RAD54L2: variants seen among roughly 807,000 people sequenced by gnomAD.
RAD54L2 encodes RAD54 like 2, also known as helicase ARIP4.
Under a neutral mutation model 138.4 loss-of-function variants are expected in RAD54L2, and 27 were observed. The observed-to-expected ratio is 0.20, with a 90% CI of 0.14 to 0.27. The LOEUF (loss-of-function observed/expected upper bound fraction) is 0.27. Among genes scored for constraint, RAD54L2 ranks in the 10% least tolerant of loss-of-function variants. The pLI is 1.00. For missense variants in RAD54L2, 1,396 were observed against 1,890.2 expected (o/e 0.74, Z 4.85); for synonymous variants, 644 against 723.2 (o/e 0.89, Z 1.76).
Position 51,548,292 on chromosome 3 carries a change from G to A in RAD54L2, c.-55+6642G>A, listed in dbSNP as rs544385532. ...CAACCTCTGCCTCCCAGGTTCAGGCGATTCTCTTGCCTCAGCCTCCTGAGT... is the reference window on the plus strand; with the variant it reads ...CAACCTCTGCCTCCCAGGTTCAGGCAATTCTCTTGCCTCAGCCTCCTGAGT... On this transcript the variant is annotated intron_variant, in intron 2 of 22. Transcript: ENST00000684192. Among the ~76,000 whole-genome samples the A allele has an allele frequency of 1.3e-4, 19 of 151,998 alleles. No homozygotes were observed. In the East Asian group the frequency reaches 2.1e-3, roughly 17 times the overall value.
intron 3 of RAD54L2, among the ~76,000 whole-genome samples, chr3:51,617,066 C>A (rs1361679910): frequency 1.3e-5 from 2 of 152,016 alleles, no homozygotes; most frequent in Admixed American, 1.3e-4. Flanking sequence ...ATAGTTTGTT[C>A]CTTTTTATTG....
chr3:51,645,310 G>A lies in RAD54L2; in HGVS notation c.2656+81G>A, dbSNP rs1481510159. 7.2e-7 allele frequency: 1 copy of A among 1,381,494 alleles called. No homozygotes were observed. 85.6% of individuals were successfully genotyped at this position (1,381,494 alleles called of 1,614,324 possible). On this transcript the variant is annotated intron_variant, in intron 17 of 22. Coordinates refer to ENST00000684192, the MANE Select transcript of RAD54L2 (RefSeq NM_015106.4). This position sits in a 1 kb window ranked among gnomAD's most constrained non-coding sequence, Gnocchi z 6.1. The stretch of plus-strand genomic sequence containing the variant: ...AGTATCAAGGGTGGGAGAGGAGCAG[G>A]ATATGGGAACACAGGCAGGCTTCGA...
chr3:51,613,638 G>A (rs975461672), intron 3 of RAD54L2, among the ~76,000 whole-genome samples: 5 of 152,146 alleles, frequency 3.3e-5, no homozygotes, highest in Middle Eastern at 3.4e-3. Context: ...ATGGTGGCGT[G>A]CACCTGTAAT....
rs572562823 is a variant in RAD54L2, at chr3:51,657,520, T to C, written c.3227-60T>C. Reference sequence around the variant, plus strand: ...GGGGTAGATGTGGGACTTTGCAATTTTCCCCCCTCCTTCAGTCAGGCCCCG... The same window carrying C: ...GGGGTAGATGTGGGACTTTGCAATTCTCCCCCCTCCTTCAGTCAGGCCCCG... On this transcript the variant is annotated intron_variant, in intron 20 of 22. Transcript: ENST00000684192. 1.2e-4 allele frequency: 143 copies of C among 1,187,898 alleles called. 1 individual carries two copies. The highest frequency in any genetic ancestry group is 1.2e-3 in the Admixed American group (58 of 49,954). 73.6% of individuals were successfully genotyped at this position (1,187,898 alleles called of 1,614,324 possible).
At chr3:51,545,064 A>G (rs1420215218) in intron 2 of RAD54L2, among the ~76,000 whole-genome samples, 1 of 152,192 alleles carries the variant, frequency 6.6e-6, no homozygotes, top group Non-Finnish European at 1.5e-5. Context: ...AATTATCTGT[A>G]TCCGTTTTCT....
chr3:51,607,155 AG>A (rs1700204728), intron 3 of RAD54L2, among the ~76,000 whole-genome samples: 2 of 137,802 alleles, frequency 1.5e-5, no homozygotes, highest in Non-Finnish European at 3.1e-5. Flanking sequence ...TTTCTCGGAG[AG>A]GGGGATTTGG....
At chr3:51,542,456 T>A (rs1698576914) in intron 2 of RAD54L2, among the ~76,000 whole-genome samples, 1 of 151,862 alleles carries the variant, frequency 6.6e-6, no homozygotes, top group Non-Finnish European at 1.5e-5. Context: ...TGTCTTTTTT[T>A]TTTTTTTGAG....
intron 19 of RAD54L2, among the ~76,000 whole-genome samples, chr3:51,653,882 G>A (rs563619126): frequency 6.6e-6 from 1 of 152,216 alleles, no homozygotes; most frequent in South Asian, 2.1e-4. Flanking sequence ...GTATACATAC[G>A]TAACAACCCT....
At chr3:51,590,113 C>A (rs1699808272) in intron 2 of RAD54L2, among the ~76,000 whole-genome samples, 1 of 152,146 alleles carries the variant, frequency 6.6e-6, no homozygotes, top group Admixed American at 6.6e-5. Flanking sequence ...GCCTCAGCCA[C>A]CTGAGTAGCT....
At position 51,666,265 on chromosome 3, in the gene RAD54L2, G is replaced by A. The variant is rs1701910647; in HGVS notation, c.*2845G>A. On this transcript the variant is annotated 3_prime_UTR_variant, in exon 23 of 23. Transcript: ENST00000684192. Reference sequence around the variant, plus strand: ...TTTCCACTGTCTCTTTATATGTGCTGATAGGCAAATGTGCATGCACACCAA... The same window carrying A: ...TTTCCACTGTCTCTTTATATGTGCTAATAGGCAAATGTGCATGCACACCAA... 1 of 135,472 alleles carries A rather than the reference G, an allele frequency of 7.4e-6. No individual in the cohort carries two copies. Among genetic ancestry groups the A allele is most frequent in the Non-Finnish European group, 1.5e-5 (1 of 65,566 alleles). The allele number at this position is 135,472 out of a possible 1,614,324, so 8.4% of individuals were successfully genotyped here.
intron 19 of RAD54L2, among the ~76,000 whole-genome samples, chr3:51,648,689 C>T (rs1701350352): frequency 6.6e-6 from 1 of 152,196 alleles, no homozygotes; most frequent in Admixed American, 6.5e-5. Context: ...CTCCAGCAAA[C>T]TCCAACAGAC....
At chr3:51,610,929 G>T (rs1480183762) in intron 3 of RAD54L2, among the ~76,000 whole-genome samples, 1 of 152,168 alleles carries the variant, frequency 6.6e-6, no homozygotes, top group Non-Finnish European at 1.5e-5. Context: ...AATGGCAGGT[G>T]GAGGAATCAC....
At chr3:51,610,407 C>G (rs1460440540) in intron 3 of RAD54L2, among the ~76,000 whole-genome samples, 2 of 151,976 alleles carry the variant, frequency 1.3e-5, no homozygotes, top group Non-Finnish European at 1.5e-5. Context: ...AGTTTGAGAC[C>G]AGCCTGGCCA....
intron 3 of RAD54L2, among the ~76,000 whole-genome samples, chr3:51,617,399 G>A (rs1700468685): frequency 6.6e-6 from 1 of 152,090 alleles, no homozygotes; most frequent in African/African-American, 2.4e-5. Flanking sequence ...ATTAGTTTTA[G>A]TTATTCTAGT....
rs145818648 is a variant in RAD54L2, at chr3:51,567,115, A to G, written c.-54-23252A>G. Among the ~76,000 whole-genome samples, 610 of 152,254 alleles carry G rather than the reference A, an allele frequency of 4.0e-3. 4 individuals are homozygous for G. Among genetic ancestry groups the G allele is most frequent in the African/African-American group, 0.014 (588 of 41,542 alleles). On this transcript the variant is annotated intron_variant, in intron 2 of 22. Coordinates refer to ENST00000684192, the MANE Select transcript of RAD54L2 (RefSeq NM_015106.4). ...CTCTTATCTTTTTATTTGTTCCCCA[A>G]GATTGGCAACCTCTTCTGCCAGAAC...
At position 51,638,159 on chromosome 3, in the gene RAD54L2, G is replaced by A. The variant is rs1701034371; in HGVS notation, c.1698G>A (p.Val566=). ...GCCTCCATAGGAGAGGCCACACTGT[G>A]CTGAAGATTCATCTCCCTGCCAAGG... ...EGFVQRRGHT[V]LKIHLPAKEE... is the part of the protein sequence containing the mutation. Residue 566 remains valine (V), a synonymous_variant, in exon 12 of 23, where the codon GTG becomes GTA. Coordinates refer to ENST00000684192, the MANE Select transcript of RAD54L2 (RefSeq NM_015106.4). The surrounding 1 kb of genome is among the most constrained non-coding windows in gnomAD (Gnocchi z 4.3). 6.2e-7 allele frequency: 1 copy of A among 1,613,854 alleles called. No individual in the cohort carries two copies. The highest frequency in any genetic ancestry group is 1.7e-5 in the Admixed American group (1 of 60,008).
intron 3 of RAD54L2, among the ~76,000 whole-genome samples, chr3:51,613,329 C>G (rs1036088653): frequency 6.6e-6 from 1 of 152,180 alleles, no homozygotes; most frequent in Non-Finnish European, 1.5e-5. Flanking sequence ...TTACCTCTAG[C>G]TGAGACGTTC....
intron 3 of RAD54L2, among the ~76,000 whole-genome samples, chr3:51,590,956 G>A (rs1699826402): frequency 6.6e-6 from 1 of 152,162 alleles, no homozygotes; most frequent in Non-Finnish European, 1.5e-5. Context: ...TAAGTTTTCT[G>A]AAATTATACA....
chr3:51,587,442 C>T (rs1219749098), intron 2 of RAD54L2, among the ~76,000 whole-genome samples: 5 of 152,176 alleles, frequency 3.3e-5, no homozygotes, highest in African/African-American at 1.2e-4. Context: ...TGCCAGGTCA[C>T]TAAGTGAATG....
Sources: gnomAD v4.1 joint callset for allele counts (sites outside exome capture counted in the v4.1 genomes callset) on GRCh38, gnomAD v4.1.1 for gene constraint, Gnocchi (gnomAD v3.1) non-coding constraint, MANE v1.5 for transcripts, NCBI Gene and HGNC (gene_info 2026-07-23, HGNC 2026-07-21) for gene names.